UBP1: variants seen among roughly 807,000 people sequenced by gnomAD.
UBP1 encodes the protein upstream binding protein 1, also known as upstream-binding protein 1.
In UBP1, 22 loss-of-function variants were observed where a neutral mutation model predicts 76.1. The ratio of observed to expected loss-of-function variants is 0.29; its 90% confidence interval spans 0.21 to 0.41. UBP1 has a LOEUF of 0.41. Ranked by LOEUF, UBP1 falls within the 10% of genes least tolerant of loss-of-function variation. The pLI is 1.00. For missense variants in UBP1, 436 were observed against 668.1 expected, an observed-to-expected ratio of 0.65 and a Z score of 3.83; for synonymous variants, 224 against 237.1, an observed-to-expected ratio of 0.94 and a Z score of 0.51.
rs1248054301 is a variant in UBP1, at chr3:33,401,016, G to T, written c.1032C>A (p.Ser344Arg). The change falls in exon 10 of 16, where the codon AGC becomes AGA. Residue 344 changes from serine (S) to arginine (R), a missense_variant and splice_region_variant. Physicochemically the swap from Ser to Arg is moderately radical, Grantham distance 110 (BLOSUM62 -1). This residue lies in a region of UBP1 where 210 missense variants were observed against 272.8 expected (regional missense o/e 0.77). Transcript: ENST00000283629. The part of the protein sequence containing the change: ...PQQSTCSVPD[S>R]NSSSPNHQGD... ...CCTGATGATTTGGGGAAGAAGAATT[G>T]CTGGGGAGAAAGGAGAAAGAAGGAA... 1 of 1,589,158 alleles carries T rather than the reference G, an allele frequency of 6.3e-7. No homozygotes were observed. Among genetic ancestry groups the T allele is most frequent in the African/African-American group, 1.4e-5 (1 of 73,130 alleles).
At chr3:33,408,666 A>G in intron 8 of UBP1, 24 bp downstream of exon 8, 1 of 1,594,200 alleles carries the variant, frequency 6.3e-7, no homozygotes, top group Admixed American at 1.8e-5. Flanking sequence ...TTGCACAATG[A>G]AAAGAGAAGC....
At chr3:33,411,435 ATTAAACCTAAC>A in intron 5 of UBP1, 135 bp downstream of exon 5, 1 of 648,060 alleles carries the variant, frequency 1.5e-6, no homozygotes, top group Non-Finnish European at 2.7e-6. Flanking sequence ...AACTTACTAG[ATTAAACCTAAC>A]TATGTATATA....
chr3:33,406,606 G>A (rs1442865266), intron 8 of UBP1, among the ~76,000 whole-genome samples: 3 of 152,154 alleles, frequency 2.0e-5, no homozygotes, highest in Non-Finnish European at 4.4e-5. Flanking sequence ...GAAACACCAA[G>A]TTTACCAAAA....
chr3:33,402,677 A>C (rs1039343886), intron 9 of UBP1, 124 bp downstream of exon 9: 112 of 624,568 alleles, frequency 1.8e-4, no homozygotes, highest in Non-Finnish European at 2.7e-4. Flanking sequence ...GATACAGGAT[A>C]CTTCCCCTTA....
intron 8 of UBP1, among the ~76,000 whole-genome samples, chr3:33,406,178 C>G (rs2044415523): frequency 1.3e-5 from 2 of 152,180 alleles, no homozygotes; most frequent in Admixed American, 1.3e-4. Flanking sequence ...ACTCAGAAGT[C>G]TGAGGCAGGA....
At chr3:33,414,871 A>T (rs2044689581) in intron 3 of UBP1, among the ~76,000 whole-genome samples, 1 of 152,220 alleles carries the variant, frequency 6.6e-6, no homozygotes, top group African/African-American at 2.4e-5. Flanking sequence ...CTTCAGAATA[A>T]GTAACCTTGT....
chr3:33,403,576 G>GTCTATCTATCTATCTATCTA lies in UBP1; in HGVS notation c.928-673_928-672insTAGATAGATAGATAGATAGA, dbSNP rs1311549128. ...TGTCTGTCTGTCTGTCTGTCTGTCT[G>GTCTATCTATCTATCTATCTA]TCTGTCTGTCTATCTATCTATCTAT... On this transcript the variant is annotated intron_variant, in intron 8 of 15. Transcript: ENST00000283629. 3.2e-4 allele frequency: 27 copies of GTCTATCTATCTATCTATCTA among 84,338 alleles called. 1 individual carries two copies. The highest frequency in any genetic ancestry group is 5.5e-4 in the Non-Finnish European group (17 of 30,634). 5.2% of individuals were successfully genotyped at this position (84,338 alleles called of 1,614,324 possible).
Position 33,440,403 on chromosome 3 carries a change from T to G in UBP1, c.-555A>C, listed in dbSNP as rs1447476569. On this transcript the variant is annotated 5_prime_UTR_variant, in exon 1 of 16. Transcript: ENST00000283629. ...CTCCGACTTAGGTTCACGCGCCGCT[T>G]CCGCCTCCCCCGGCCCCGCCCCGAC... The G allele has an allele frequency of 6.6e-6, 1 of 152,260 alleles. No individual in the cohort carries two copies. Among genetic ancestry groups the G allele is most frequent in the Non-Finnish European group, 1.5e-5 (1 of 68,306 alleles). The allele number at this position is 152,260 out of a possible 1,614,324, so 9.4% of individuals were successfully genotyped here.
intron 2 of UBP1, among the ~76,000 whole-genome samples, chr3:33,418,276 G>A (rs1209183296): frequency 6.6e-6 from 1 of 151,642 alleles, no homozygotes; most frequent in African/African-American, 2.4e-5. Flanking sequence ...TATTTTGACA[G>A]GGAGCTTCGT....
intron 7 of UBP1, 77 bp downstream of exon 7, chr3:33,409,159 T>A: frequency 5.8e-6 from 8 of 1,385,372 alleles, no homozygotes; most frequent in Non-Finnish European, 8.1e-6. Flanking sequence ...AACCCTTTTG[T>A]AGCAGAACTC....
At chr3:33,432,462 A>G (rs949365300) in intron 1 of UBP1, among the ~76,000 whole-genome samples, 2 of 152,240 alleles carry the variant, frequency 1.3e-5, no homozygotes, top group African/African-American at 4.8e-5. Context: ...TGAAGTTACT[A>G]CAACATATAC....
intron 2 of UBP1, among the ~76,000 whole-genome samples, chr3:33,423,044 T>G (rs1237643980): frequency 7.8e-6 from 1 of 127,576 alleles, no homozygotes; most frequent in Non-Finnish European, 1.6e-5. Flanking sequence ...AAAAAAAGTT[T>G]GTTTTTTTTT....
chr3:33,431,641 G>A (rs556841175), intron 1 of UBP1, among the ~76,000 whole-genome samples: 12 of 151,956 alleles, frequency 7.9e-5, no homozygotes, highest in Non-Finnish European at 1.0e-4. Context: ...TCAGGAGGCT[G>A]AAGCAGGAGA....
intron 2 of UBP1, among the ~76,000 whole-genome samples, chr3:33,423,045 G>GTT (rs11337499): frequency 3.9e-4 from 56 of 144,804 alleles, no homozygotes; most frequent in Admixed American, 5.4e-4. Flanking sequence ...AAAAAAGTTT[G>GTT]TTTTTTTTTT....
intron 8 of UBP1, 28 bp downstream of exon 8, chr3:33,408,662 A>G: frequency 6.3e-7 from 1 of 1,590,778 alleles, no homozygotes; most frequent in Non-Finnish European, 8.6e-7. Context: ...TTTCTTGCAC[A>G]ATGAAAAGAG....
chr3:33,400,902 C>T, intron 10 of UBP1, 60 bp downstream of exon 10: 1 of 1,536,700 alleles, frequency 6.5e-7, no homozygotes, highest in South Asian at 1.2e-5. Context: ...GCACAAAAAC[C>T]AAAACTTTAA....
At position 33,425,489 on chromosome 3, in the gene UBP1, C is replaced by T. The variant is rs910721560; in HGVS notation, c.265+101G>A. On this transcript the variant is annotated intron_variant, in intron 2 of 15. Transcript: ENST00000283629. ...AGTTGTAAAATTTAAGAAAAAGAAC[C>T]TAATTTTTAATTATTACCAATAATC... The T allele has an allele frequency of 4.1e-6, 5 of 1,218,856 alleles. No homozygotes were observed. The African/African-American group carries it at 6.1e-5, about 15-fold the overall frequency. The allele number at this position is 1,218,856 out of a possible 1,614,324, so 75.5% of individuals were successfully genotyped here. A position where few individuals can be genotyped will look rare whatever the true frequency, so the allele number is the denominator to read the frequency against.
chr3:33,400,323 C>G, intron 10 of UBP1, 41 bp from the exon 11 acceptor site: 3 of 1,483,976 alleles, frequency 2.0e-6, no homozygotes, highest in Non-Finnish European at 2.8e-6. Flanking sequence ...AGGAACCATT[C>G]AGACTTAGAA....
intron 5 of UBP1, 97 bp downstream of exon 5, chr3:33,411,484 T>C (rs2044581531): frequency 2.9e-6 from 3 of 1,025,842 alleles, no homozygotes; most frequent in Non-Finnish European, 3.0e-6. Flanking sequence ...AGTTTATAAA[T>C]AGACATTTAA....
Sources: gnomAD v4.1 joint callset for allele counts (sites outside exome capture counted in the v4.1 genomes callset) on GRCh38, gnomAD v4.1.1 for gene constraint, gnomAD v4.1.1 regional missense constraint, MANE v1.5 for transcripts, NCBI Gene and HGNC (gene_info 2026-07-23, HGNC 2026-07-21) for gene names.